The following CEP57L1 variants were observed in gnomAD, a reference collection of about 807,000 sequenced individuals.
CEP57L1 encodes centrosomal protein CEP57L1.
In CEP57L1, 37 loss-of-function variants were observed where a neutral mutation model predicts 61.0. That is an observed-to-expected ratio of 0.61 (90% confidence interval 0.47 to 0.80). The LOEUF (loss-of-function observed/expected upper bound fraction) is 0.80. Ranked by LOEUF, CEP57L1 falls within the 30% of genes least tolerant of loss-of-function variation. CEP57L1 has a pLI of 0.00. For missense variants in CEP57L1, 422 were observed against 524.7 expected (o/e 0.80, Z 1.91); for synonymous variants, 137 against 162.3 (o/e 0.84, Z 1.19).
intron 4 of CEP57L1, among the ~76,000 whole-genome samples, chr6:109,152,642 TG>T (rs1772756143): frequency 2.8e-3 from 1 of 356 alleles, no homozygotes; most frequent in African/African-American, 4.3e-3. Context: ...CGTGCGTGTG[TG>T]TGTGTGTGTG....
rs2114995876 is a variant in CEP57L1, at chr6:109,171,593, A to G, written c.*8623A>G. 6.6e-6 allele frequency among the ~76,000 whole-genome samples: 1 copy of G among 152,264 alleles called. No homozygotes were observed. The highest frequency in any genetic ancestry group is 2.4e-5 in the African/African-American group (1 of 41,568). On this transcript the variant is annotated 3_prime_UTR_variant, in exon 11 of 11. Transcript: ENST00000517392. The stretch of plus-strand genomic sequence containing the variant: ...TTCTACTAAAATACTATCAGTTTAA[A>G]CTACCATCTACAGAAATAAAAAACA...
chr6:109,155,167 A>G, intron 5 of CEP57L1, 63 bp from the exon 6 acceptor site: 1 of 1,015,534 alleles, frequency 9.8e-7, no homozygotes, highest in East Asian at 2.7e-5. Context: ...CTATTTGGAA[A>G]AGAAACAAAT....
intron 1 of CEP57L1, among the ~76,000 whole-genome samples, chr6:109,132,550 T>C (rs1774308877): frequency 6.6e-6 from 1 of 152,244 alleles, no homozygotes; most frequent in African/African-American, 2.4e-5. Flanking sequence ...ATAGTGCTGC[T>C]ACAAATATTC....
intron 1 of CEP57L1, among the ~76,000 whole-genome samples, chr6:109,122,264 G>A (rs1372766600): frequency 6.6e-6 from 1 of 152,160 alleles, no homozygotes; most frequent in Admixed American, 6.5e-5. Flanking sequence ...GCAAAGCTAG[G>A]TGAATACTGG....
intron 1 of CEP57L1, among the ~76,000 whole-genome samples, chr6:109,117,892 T>C (rs1583437067): frequency 6.6e-6 from 1 of 152,310 alleles, no homozygotes; most frequent in Non-Finnish European, 1.5e-5. Context: ...CTGCTGGTGG[T>C]AATTGGAAGG....
chr6:109,121,497 C>T (rs895104759), intron 1 of CEP57L1, among the ~76,000 whole-genome samples: 1 of 152,076 alleles, frequency 6.6e-6, no homozygotes, highest in Non-Finnish European at 1.5e-5. Flanking sequence ...CCAGGATACT[C>T]TGGATGTAAT....
At chr6:109,116,493 G>C (rs1047158405) in intron 1 of CEP57L1, among the ~76,000 whole-genome samples, 2 of 152,100 alleles carry the variant, frequency 1.3e-5, no homozygotes, top group Non-Finnish European at 2.9e-5. Context: ...GCATTTTAGA[G>C]ATACTTTTCT....
At chr6:109,142,962 TCTCTCTCTCTCTCTC>T in intron 1 of CEP57L1, among the ~76,000 whole-genome samples, 1 of 89,572 alleles carries the variant, frequency 1.1e-5, no homozygotes. Flanking sequence ...TCTCTCTCTC[TCTCTCTCTCTCTCTC>T]TCTCTCTCTC....
rs569402590 is a variant in CEP57L1, at chr6:109,142,632, A to AAAGAAGAATGGTTCC, written c.-3-2586_-3-2585insAGAAGAATGGTTCCA. 7.9e-3 allele frequency among the ~76,000 whole-genome samples: 1,194 copies of AAAGAAGAATGGTTCC among 151,990 alleles called. 18 individuals carry two copies. Among genetic ancestry groups the AAAGAAGAATGGTTCC allele is most frequent in the African/African-American group, 0.028 (1,145 of 41,384 alleles). ...AATAAAAATTTTAAGAAAAAAAAAAAAGGTACAACTTGAGTTTCTCAGGCT... is the reference window on the plus strand; with the variant it reads ...AATAAAAATTTTAAGAAAAAAAAAAAAAGAAGAATGGTTCCAGGTACAACTTGAGTTTCTCAGGCT... On this transcript the variant is annotated intron_variant, in intron 1 of 10. Coordinates refer to ENST00000517392, the MANE Select transcript of CEP57L1 (RefSeq NM_001271852.3).
intron 6 of CEP57L1, among the ~76,000 whole-genome samples, chr6:109,155,578 A>G (rs577265338): frequency 6.6e-6 from 1 of 152,048 alleles, no homozygotes; most frequent in East Asian, 1.9e-4. Context: ...TTCTGTACAT[A>G]TATTAAATAA....
At chr6:109,101,649 C>G (rs1782430268) in intron 1 of CEP57L1, among the ~76,000 whole-genome samples, 2 of 141,618 alleles carry the variant, frequency 1.4e-5, no homozygotes, top group Non-Finnish European at 3.0e-5. Context: ...GAGACGGAGT[C>G]TCACTCTTTC....
rs190722170 is a variant in CEP57L1 at position 109,168,041 on chromosome 6, A to G, written c.*5071A>G. Reference sequence around the variant, plus strand: ...ATGACAACCACAGAGCAGATGCTCAAATATTTATTTGCCTACTAAATGTTT... The same window carrying G: ...ATGACAACCACAGAGCAGATGCTCAGATATTTATTTGCCTACTAAATGTTT... On this transcript the variant is annotated 3_prime_UTR_variant, in exon 11 of 11. Coordinates refer to ENST00000517392, the MANE Select transcript of CEP57L1 (RefSeq NM_001271852.3). Among the ~76,000 whole-genome samples the G allele has an allele frequency of 2.0e-5, 3 of 152,364 alleles. No homozygotes were observed. The highest frequency in any genetic ancestry group is 1.9e-4 in the East Asian group (1 of 5,190).
At chr6:109,146,309 A>G (rs1017177680) in intron 2 of CEP57L1, among the ~76,000 whole-genome samples, 5 of 151,936 alleles carry the variant, frequency 3.3e-5, no homozygotes, top group African/African-American at 1.2e-4. Context: ...AACAGTAAAT[A>G]TGTGTGATTT....
chr6:109,155,977 G>T, intron 7 of CEP57L1, 100 bp downstream of exon 7: 1 of 555,040 alleles, frequency 1.8e-6, no homozygotes, highest in Non-Finnish European at 3.2e-6. Context: ...AGGATTTGAA[G>T]ATATAAAATA....
rs1774350562 is a variant in CEP57L1 at position 109,170,466 on chromosome 6, G to C, written c.*7496G>C. On this transcript the variant is annotated 3_prime_UTR_variant, in exon 11 of 11. Transcript: ENST00000517392. Reference sequence around the variant, plus strand: ...GTACATTGACCTTTGGTATTTCTTAGAAAAACCTGTTACTGAACCTAGTAC... The same window carrying C: ...GTACATTGACCTTTGGTATTTCTTACAAAAACCTGTTACTGAACCTAGTAC... Among the ~76,000 whole-genome samples the C allele has an allele frequency of 6.6e-6, 1 of 152,012 alleles. No individual in the cohort carries two copies. Among genetic ancestry groups the C allele is most frequent in the Non-Finnish European group, 1.5e-5 (1 of 67,998 alleles).
In CEP57L1 at chr6:109,142,960, T is replaced by G. The variant is rs916196389; in HGVS notation, c.-3-2259T>G. On this transcript the variant is annotated intron_variant, in intron 1 of 10. Coordinates refer to ENST00000517392, the MANE Select transcript of CEP57L1 (RefSeq NM_001271852.3). ...CTGTCTCTCTTGCTCTCTCTCTCTCTCTCTCTCTCTCTCTCTCTCTCTCTC... is the reference window on the plus strand; with the variant it reads ...CTGTCTCTCTTGCTCTCTCTCTCTCGCTCTCTCTCTCTCTCTCTCTCTCTC... 1.6e-3 allele frequency among the ~76,000 whole-genome samples: 104 copies of G among 65,364 alleles called. 1 individual carries two copies. Among genetic ancestry groups the G allele is most frequent in the Admixed American group, 2.6e-3 (16 of 6,102 alleles). The allele number at this position is 65,364 out of a possible 152,430, so 42.9% of individuals were successfully genotyped here.
At chr6:109,140,827 GT>G (rs950772105) in intron 1 of CEP57L1, among the ~76,000 whole-genome samples, 6 of 151,682 alleles carry the variant, frequency 4.0e-5, no homozygotes, top group African/African-American at 1.5e-4. Context: ...AATTTTTAGA[GT>G]TTTTTATTTA....
At chr6:109,134,331 C>A (rs1449643008) in intron 1 of CEP57L1, among the ~76,000 whole-genome samples, 1 of 152,132 alleles carries the variant, frequency 6.6e-6, no homozygotes, top group African/African-American at 2.4e-5. Context: ...ATCTCAATAG[C>A]TGCAGAAAAG....
chr6:109,151,604 A>G (rs1196186142), intron 4 of CEP57L1, among the ~76,000 whole-genome samples: 1 of 152,018 alleles, frequency 6.6e-6, no homozygotes, highest in East Asian at 1.9e-4. Flanking sequence ...AAAAATATGT[A>G]TTTTTTACCA....
Sources: gnomAD v4.1 joint callset for allele counts (sites outside exome capture counted in the v4.1 genomes callset) on GRCh38, gnomAD v4.1.1 for gene constraint, MANE v1.5 for transcripts, NCBI Gene and HGNC (gene_info 2026-07-23, HGNC 2026-07-21) for gene names.